Variants in LARGE1 observed in about 807,000 individuals in gnomAD.
LARGE1 encodes the protein xylosyl- and glucuronyltransferase LARGE1.
Under a neutral mutation model 87.6 loss-of-function variants are expected in LARGE1, and 43 were observed. The ratio of observed to expected loss-of-function variants is 0.49; its 90% CI spans 0.38 to 0.63. LARGE1 has a LOEUF of 0.63. Ranked by LOEUF, LARGE1 falls within the 30% of genes least tolerant of loss-of-function variation. The pLI is 0.00. For synonymous variants in LARGE1, 434 were observed against 394.6 expected, an observed-to-expected ratio of 1.10 and a Z score of -1.18; for missense variants, 802 against 1,000.2, an observed-to-expected ratio of 0.80 and a Z score of 2.67.
At chr22:33,268,493 T>C (rs371718999), downstream of LARGE1, among the ~76,000 whole-genome samples, 1 of 150,522 alleles carries the variant, frequency 6.6e-6, no homozygotes, top group African/African-American at 2.5e-5. Context: ...CATGGCGCGA[T>C]CTTGGCTCAT....
intron 6 of LARGE1, among the ~76,000 whole-genome samples, chr22:33,438,616 C>T (rs1348420703): frequency 6.6e-6 from 1 of 152,142 alleles, no homozygotes; most frequent in East Asian, 1.9e-4. Context: ...CAGGTTTTGG[C>T]TCAAGGCCCG....
chr22:33,262,116 G>A lies in LARGE1; in HGVS notation c.1730+42113C>T, dbSNP rs1425355984. 2.6e-5 allele frequency among the ~76,000 whole-genome samples: 4 copies of A among 152,130 alleles called. No individual in the cohort carries two copies. The East Asian group carries it at 5.8e-4, about 22-fold the overall frequency. On this transcript the variant is annotated intron_variant, in intron 11 of 11. Transcript: ENST00000608642. ...GATCTCCACGAAAGCCTTAAAAGAC[G>A]GGCAGGATTTCTTCCTTTTTTATAG...
intron 2 of LARGE1, among the ~76,000 whole-genome samples, chr22:33,736,015 C>T (rs1259112926): frequency 6.6e-6 from 1 of 152,186 alleles, no homozygotes; most frequent in Non-Finnish European, 1.5e-5. Flanking sequence ...ATGGCTAGAC[C>T]ACATTTTGTT....
chr22:33,237,893 G>A (rs1250284216), intron 11 of LARGE1, among the ~76,000 whole-genome samples: 1 of 152,196 alleles, frequency 6.6e-6, no homozygotes, highest in Non-Finnish European at 1.5e-5. Flanking sequence ...TGTGCATAAC[G>A]CACGGGAGTA....
chr22:33,670,969 C>A (rs1255072138), intron 2 of LARGE1, among the ~76,000 whole-genome samples: 1 of 152,054 alleles, frequency 6.6e-6, no homozygotes, highest in Non-Finnish European at 1.5e-5. Context: ...ATGCCAAAGG[C>A]ACCAAAAAAT....
intron 6 of LARGE1, among the ~76,000 whole-genome samples, chr22:33,461,719 C>T (rs1290718784): frequency 1.3e-5 from 2 of 151,554 alleles, no homozygotes; most frequent in African/African-American, 2.4e-5. Flanking sequence ...ATGACCTATG[C>T]CTGGCACGCA....
At chr22:33,405,095 GTTTCTTTC>G (rs1164732897) in intron 7 of LARGE1, among the ~76,000 whole-genome samples, 4 of 152,228 alleles carry the variant, frequency 2.6e-5, no homozygotes, top group Admixed American at 2.6e-4. Flanking sequence ...TTTTGTCTTT[GTTTCTTTC>G]TTTCTTTCTA....
chr22:33,511,415 G>A (rs975094222), intron 6 of LARGE1, among the ~76,000 whole-genome samples: 3 of 152,204 alleles, frequency 2.0e-5, no homozygotes, highest in Non-Finnish European at 2.9e-5. Flanking sequence ...GTTACTCAGA[G>A]TGAGGGGGGA....
chr22:33,532,923 T>C (rs1364672233), intron 6 of LARGE1, among the ~76,000 whole-genome samples: 2 of 152,204 alleles, frequency 1.3e-5, no homozygotes, highest in Non-Finnish European at 2.9e-5. Context: ...AAAGGGCCAG[T>C]ACAGAGCAAG....
intron 4 of LARGE1, among the ~76,000 whole-genome samples, chr22:33,625,318 C>A (rs1411017678): frequency 2.6e-5 from 4 of 152,150 alleles, no homozygotes; most frequent in Non-Finnish European, 5.9e-5. Context: ...TAGTGAGGAA[C>A]AGAAGAAAAG....
At chr22:33,515,139 A>T (rs1265473384) in intron 6 of LARGE1, among the ~76,000 whole-genome samples, 3 of 152,110 alleles carry the variant, frequency 2.0e-5, no homozygotes, top group Non-Finnish European at 4.4e-5. Context: ...AAAATAAAAA[A>T]TAAAAAACAA....
At chr22:33,462,901 A>C (rs2068438112) in intron 6 of LARGE1, among the ~76,000 whole-genome samples, 1 of 152,250 alleles carries the variant, frequency 6.6e-6, no homozygotes, top group African/African-American at 2.4e-5. Flanking sequence ...GTAACTCAGA[A>C]GGAGGCGATT....
At chr22:33,437,794 C>CT (rs2067324802) in intron 6 of LARGE1, among the ~76,000 whole-genome samples, 1 of 152,144 alleles carries the variant, frequency 6.6e-6, no homozygotes, top group Non-Finnish European at 1.5e-5. Context: ...AGTTCTTGCC[C>CT]TGGGGGCAGC....
intron 9 of LARGE1, among the ~76,000 whole-genome samples, chr22:33,358,532 T>A (rs961520574): frequency 1.3e-5 from 2 of 152,206 alleles, no homozygotes; most frequent in African/African-American, 4.8e-5. Flanking sequence ...CTACTTTTTT[T>A]ATGCAAATGC....
rs547861563 is a variant in LARGE1, at chr22:33,511,008, G to A, written c.787+53840C>T. On this transcript the variant is annotated intron_variant, in intron 6 of 14. Coordinates refer to ENST00000397394, the MANE Select transcript of LARGE1 (RefSeq NM_133642.5). The stretch of plus-strand genomic sequence containing the variant: ...ACAAATGAACCCAATTCAAGGTGGC[G>A]GGTGCCGATACAGTTCTGTATTGTC... Among the ~76,000 whole-genome samples, 195 of 152,252 alleles carry A rather than the reference G, an allele frequency of 1.3e-3. 1 individual carries two copies. Among genetic ancestry groups the A allele is most frequent in the African/African-American group, 4.5e-3 (185 of 41,542 alleles).
At chr22:33,094,598 T>C in the LARGE1 span, among the ~76,000 whole-genome samples, 1 of 142,974 alleles carries the variant, frequency 7.0e-6, no homozygotes, top group Admixed American at 6.9e-5. Flanking sequence ...TCTTTCTTTC[T>C]TTTTTTTTTT....
At chr22:33,150,872 C>A in the LARGE1 span, among the ~76,000 whole-genome samples, 1 of 152,116 alleles carries the variant, frequency 6.6e-6, no homozygotes, top group African/African-American at 2.4e-5. Context: ...GTTTATAAAT[C>A]CTGTAGTGTG....
chr22:33,264,959 G>A (rs1312971438), intron 11 of LARGE1, among the ~76,000 whole-genome samples: 1 of 128,034 alleles, frequency 7.8e-6, no homozygotes, highest in Non-Finnish European at 1.6e-5. Context: ...GCAATGGCAC[G>A]ATCTCAGCTG....
chr22:33,451,909 T>G (rs2067947291), intron 6 of LARGE1, among the ~76,000 whole-genome samples: 2 of 152,186 alleles, frequency 1.3e-5, no homozygotes, highest in African/African-American at 4.8e-5. Context: ...CTCCCACTTA[T>G]CAGTGACAAC....
Sources: gnomAD v4.1 joint callset for allele counts (sites outside exome capture counted in the v4.1 genomes callset) on GRCh38, gnomAD v4.1.1 for gene constraint, MANE v1.5 for transcripts, NCBI Gene and HGNC (gene_info 2026-07-23, HGNC 2026-07-21) for gene names.